Variants in LSAMP observed in about 807,000 individuals in gnomAD.
LSAMP encodes limbic system associated membrane protein.
Under a neutral mutation model 38.6 loss-of-function variants are expected in LSAMP, and 7 were observed. The observed-to-expected ratio is 0.18, with a 90% confidence interval of 0.10 to 0.34. The LOEUF is 0.34. LSAMP is among the 10% of genes least tolerant of loss of function. The pLI is 1.00. For missense variants in LSAMP, 313 were observed against 420.0 expected, an observed-to-expected ratio of 0.75 and a Z score of 2.23; for synonymous variants, 154 against 166.8, an observed-to-expected ratio of 0.92 and a Z score of 0.59.
rs1482150836 is a variant in LSAMP at position 115,809,124 on chromosome 3, C to T, written c.*1193G>A. ...GAGCAGGGCCTACCCTGTTAAATGC[C>T]AGGAAATATAAGAATCCCTCAGACT... is the stretch of plus-strand genomic sequence containing the variant. On this transcript the variant is annotated 3_prime_UTR_variant, in exon 7 of 7. Transcript: ENST00000490035. 1 of 152,106 alleles carries T rather than the reference C, an allele frequency of 6.6e-6. No individual in the cohort carries two copies. The highest frequency in any genetic ancestry group is 1.5e-5 in the Non-Finnish European group (1 of 68,018). The allele number at this position is 152,106 out of a possible 1,614,324, so 9.4% of individuals were successfully genotyped here.
chr3:115,898,452 C>T lies in LSAMP; in HGVS notation c.515-45835G>A, dbSNP rs147709912. ...AGATTTTTCTTTTTGTTTTGGGCAT[C>T]CTAAGGATTTTCTAGAAAGAGCTGA... On this transcript the variant is annotated intron_variant, in intron 3 of 6. Coordinates refer to ENST00000490035, the MANE Select transcript of LSAMP (RefSeq NM_002338.5). Among the ~76,000 whole-genome samples the T allele has an allele frequency of 2.0e-5, 3 of 151,934 alleles. No individual in the cohort carries two copies. In the East Asian group the frequency reaches 5.8e-4, roughly 30 times the overall value.
In LSAMP at chr3:116,372,883, A is replaced by T. The variant is rs181025935; in HGVS notation, c.155+71994T>A. Among the ~76,000 whole-genome samples, 34 of 151,198 alleles carry T rather than the reference A, an allele frequency of 2.2e-4. 1 individual carries two copies. In the East Asian group the frequency reaches 6.4e-3, roughly 29 times the overall value. ...CTGCTATTAAAAAAAAAAAAACAGA[A>T]TATAACATGTGTTGGTGAAGAAGCA... On this transcript the variant is annotated intron_variant, in intron 1 of 6. Coordinates refer to ENST00000490035, the MANE Select transcript of LSAMP (RefSeq NM_002338.5).
In LSAMP at chr3:116,119,689, T is replaced by G. The variant is rs569157660; in HGVS notation, c.156-33133A>C. Among the ~76,000 whole-genome samples the G allele has an allele frequency of 9.2e-5, 14 of 151,388 alleles. No individual in the cohort carries two copies. In the South Asian group the frequency reaches 2.7e-3, roughly 30 times the overall value. On this transcript the variant is annotated intron_variant, in intron 1 of 6. Transcript: ENST00000490035. ...TTTTTTTTTTTTTGAGAAGGAGTCT[T>G]GCTCTGTTACCCAGGCTGGAGTACA...
intron 1 of LSAMP, among the ~76,000 whole-genome samples, chr3:116,148,054 G>T (rs934366063): frequency 6.6e-6 from 1 of 150,726 alleles, no homozygotes; most frequent in Admixed American, 6.6e-5. Flanking sequence ...TTTGTGCTAT[G>T]TTTAAATATT....
intron 1 of LSAMP, among the ~76,000 whole-genome samples, chr3:116,187,734 T>C (rs552791222): frequency 2.0e-5 from 3 of 152,300 alleles, no homozygotes; most frequent in East Asian, 3.9e-4. Flanking sequence ...CAAAGGTATA[T>C]CACATTCTGA....
chr3:115,919,609 GTTAT>G (rs1266887820), intron 3 of LSAMP, among the ~76,000 whole-genome samples: 11 of 151,992 alleles, frequency 7.2e-5, no homozygotes, highest in Admixed American at 1.3e-4. Context: ...GACAAAACAG[GTTAT>G]TTATTTATTT....
intron 1 of LSAMP, among the ~76,000 whole-genome samples, chr3:116,417,316 T>C (rs1340121786): frequency 6.6e-6 from 1 of 152,216 alleles, no homozygotes; most frequent in Non-Finnish European, 1.5e-5. Context: ...AACAGGGTTG[T>C]TTCTCTGGGT....
intron 3 of LSAMP, among the ~76,000 whole-genome samples, chr3:115,869,149 A>T (rs548725306): frequency 2.5e-4 from 38 of 152,186 alleles, no homozygotes; most frequent in African/African-American, 8.9e-4. Context: ...AAAGAATATG[A>T]CTGCTGCATA....
intron 3 of LSAMP, among the ~76,000 whole-genome samples, chr3:115,912,536 A>G (rs955322383): frequency 1.3e-5 from 2 of 152,144 alleles, no homozygotes; most frequent in Non-Finnish European, 2.9e-5. Flanking sequence ...GCTCAGCTCC[A>G]TCCTTGGCCT....
chr3:115,804,482 T>G lies in LSAMP; in HGVS notation c.*5835A>C, dbSNP rs1421029832. On this transcript the variant is annotated 3_prime_UTR_variant, in exon 7 of 7. Transcript: ENST00000490035. ...AATTCAATACACCTTCTACCTCACTTTAAAGTTGTCAGTTTATCTTAGATG... is the reference window on the plus strand; with the variant it reads ...AATTCAATACACCTTCTACCTCACTGTAAAGTTGTCAGTTTATCTTAGATG... 6.6e-6 allele frequency: 1 copy of G among 152,164 alleles called. No homozygotes were observed. Among genetic ancestry groups the G allele is most frequent in the Non-Finnish European group, 1.5e-5 (1 of 68,018 alleles). 9.4% of individuals were successfully genotyped at this position (152,164 alleles called of 1,614,324 possible).
chr3:115,857,935 G>A (rs887696781), intron 3 of LSAMP, among the ~76,000 whole-genome samples: 49 of 152,224 alleles, frequency 3.2e-4, no homozygotes, highest in African/African-American at 1.1e-3. Flanking sequence ...GCCAGGTGCT[G>A]CCTTCTGAGT....
intron 1 of LSAMP, among the ~76,000 whole-genome samples, chr3:116,172,176 T>C (rs765249017): frequency 9.2e-5 from 14 of 151,950 alleles, no homozygotes; most frequent in Non-Finnish European, 1.5e-4. Context: ...TAAGTGTCTA[T>C]GTACAGATTA....
At chr3:116,245,404 C>T (rs534087501) in intron 1 of LSAMP, among the ~76,000 whole-genome samples, 2 of 152,288 alleles carry the variant, frequency 1.3e-5, no homozygotes, top group African/African-American at 4.8e-5. Context: ...TGTTACTTAG[C>T]TTTCCTCATA....
At chr3:115,950,288 C>G (rs906852051) in intron 3 of LSAMP, among the ~76,000 whole-genome samples, 2 of 152,008 alleles carry the variant, frequency 1.3e-5, no homozygotes, top group Admixed American at 6.6e-5. Context: ...AAGAGGAAGT[C>G]AAACTGGAGC....
chr3:115,813,224 G>T (rs144293573), intron 6 of LSAMP, among the ~76,000 whole-genome samples: 1 of 151,932 alleles, frequency 6.6e-6, no homozygotes, highest in African/African-American at 2.4e-5. Context: ...GATGAACCAC[G>T]TATACAAAGG....
intron 1 of LSAMP, among the ~76,000 whole-genome samples, chr3:116,100,451 AT>A (rs1036250591): frequency 4.6e-5 from 7 of 151,956 alleles, no homozygotes; most frequent in Admixed American, 1.3e-4. Context: ...ATTTTTTCTA[AT>A]TTTTAAAAAA....
intron 3 of LSAMP, among the ~76,000 whole-genome samples, chr3:115,964,307 CATG>C (rs1938726350): frequency 6.6e-6 from 1 of 152,048 alleles, no homozygotes; most frequent in Non-Finnish European, 1.5e-5. Context: ...AAGCTTTGGG[CATG>C]ATGATTAATC....
At chr3:116,042,265 A>C (rs1463920910) in intron 2 of LSAMP, among the ~76,000 whole-genome samples, 1 of 152,190 alleles carries the variant, frequency 6.6e-6, no homozygotes, top group Non-Finnish European at 1.5e-5. Context: ...TGTTCATTTA[A>C]TCCTCTGTCC....
chr3:116,340,825 T>C (rs1043104597), intron 1 of LSAMP, among the ~76,000 whole-genome samples: 2 of 152,030 alleles, frequency 1.3e-5, no homozygotes, highest in Non-Finnish European at 2.9e-5. Context: ...CATAAATGTC[T>C]CTTTCTACTT....
Sources: allele counts gnomAD v4.1 joint callset (sites outside exome capture counted in the v4.1 genomes callset), GRCh38; gene constraint gnomAD v4.1.1; transcripts MANE v1.5; gene names NCBI Gene and HGNC (gene_info 2026-07-23, HGNC 2026-07-21).